The following SRGAP3 variants were observed in gnomAD, a reference collection of about 807,000 sequenced individuals.
SRGAP3 encodes SLIT-ROBO Rho GTPase-activating protein 3.
Under a neutral mutation model 121.1 loss-of-function variants are expected in SRGAP3, and 39 were observed. The ratio of observed to expected loss-of-function variants is 0.32; its 90% confidence interval spans 0.25 to 0.42. The LOEUF (loss-of-function observed/expected upper bound fraction) is 0.42, where lower values mean the gene tolerates loss of function less well. Ranked by LOEUF, SRGAP3 falls within the 10% of genes least tolerant of loss-of-function variation. The pLI is 1.00. For missense variants in SRGAP3, 1,213 were observed against 1,470.6 expected, an observed-to-expected ratio of 0.82 and a Z score of 2.86; for synonymous variants, 601 against 570.0, an observed-to-expected ratio of 1.05 and a Z score of -0.77.
chr3:9,096,909 G>T (rs1206148639), intron 3 of SRGAP3, among the ~76,000 whole-genome samples: 20 of 102,566 alleles, frequency 1.9e-4, no homozygotes, highest in Middle Eastern at 7.4e-3. Flanking sequence ...ATATATAATA[G>T]CTAATTATAT....
intron 1 of SRGAP3, among the ~76,000 whole-genome samples, chr3:9,211,019 T>A (rs941708468): frequency 6.6e-6 from 1 of 152,196 alleles, no homozygotes; most frequent in South Asian, 2.1e-4. Context: ...CAATGTTCTC[T>A]CCAGAAGATA....
At chr3:9,100,572 A>G (rs1283728410) in intron 3 of SRGAP3, among the ~76,000 whole-genome samples, 5 of 152,174 alleles carry the variant, frequency 3.3e-5, no homozygotes, top group African/African-American at 1.2e-4. Flanking sequence ...ATCCCATTTG[A>G]CCAGAATCTA....
chr3:9,206,486 T>G (rs1952270305), intron 1 of SRGAP3, among the ~76,000 whole-genome samples: 2 of 152,194 alleles, frequency 1.3e-5, no homozygotes, highest in South Asian at 4.1e-4. Flanking sequence ...TCCCCCTGAC[T>G]GTGCCACTGT....
chr3:9,177,343 T>C (rs1420156657), intron 1 of SRGAP3, among the ~76,000 whole-genome samples: 1 of 152,172 alleles, frequency 6.6e-6, no homozygotes, highest in East Asian at 1.9e-4. Flanking sequence ...TTTGACCATA[T>C]GTAAAGGAGG....
At chr3:9,279,054 G>A (rs546477722) in intron 3 of SRGAP3, among the ~76,000 whole-genome samples, 3 of 152,076 alleles carry the variant, frequency 2.0e-5, no homozygotes, top group South Asian at 4.2e-4. Context: ...CACAAGAATC[G>A]CTTGAGCCTG....
chr3:9,261,709 C>G (rs1342393835), intron 3 of SRGAP3, among the ~76,000 whole-genome samples: 1 of 151,216 alleles, frequency 6.6e-6, no homozygotes, highest in Non-Finnish European at 1.5e-5. Context: ...GTGAAAAGAC[C>G]AAACCTACGT....
chr3:9,197,337 G>A (rs1313760298), intron 1 of SRGAP3, among the ~76,000 whole-genome samples: 1 of 152,226 alleles, frequency 6.6e-6, no homozygotes, highest in Non-Finnish European at 1.5e-5. Flanking sequence ...AGCAAAGTTG[G>A]TTTAAAAGTC....
intron 20 of SRGAP3, among the ~76,000 whole-genome samples, chr3:8,992,096 T>TA (rs1447947903): frequency 3.3e-5 from 5 of 152,182 alleles, no homozygotes; most frequent in Non-Finnish European, 7.4e-5. Flanking sequence ...GGCATCAGGA[T>TA]TTTTGCTGAA....
intron 6 of SRGAP3, 179 bp from the exon 7 acceptor site, chr3:9,058,651 T>A (rs1296313101): frequency 1.6e-6 from 1 of 629,714 alleles, no homozygotes; most frequent in Non-Finnish European, 2.8e-6. Flanking sequence ...TCAAGGGGAG[T>A]TGCGGTTGAG....
At chr3:9,153,148 G>T (rs1379950084) in intron 1 of SRGAP3, among the ~76,000 whole-genome samples, 1 of 152,168 alleles carries the variant, frequency 6.6e-6, no homozygotes, top group African/African-American at 2.4e-5. Context: ...CCCAGTATGA[G>T]TGAGTCTTGA....
intron 1 of SRGAP3, among the ~76,000 whole-genome samples, chr3:9,139,025 A>T (rs1289927467): frequency 1.3e-5 from 2 of 152,152 alleles, no homozygotes; most frequent in Non-Finnish European, 2.9e-5. Flanking sequence ...GAAACTGAGG[A>T]ACAGAGACCC....
chr3:8,981,834 T>C lies in SRGAP3; in HGVS notation c.*3685A>G. 4.4e-6 allele frequency: 1 copy of C among 229,462 alleles called. No homozygotes were observed. The highest frequency in any genetic ancestry group is 8.7e-6 in the Non-Finnish European group (1 of 115,524). 14.2% of individuals were successfully genotyped at this position (229,462 alleles called of 1,614,324 possible). ...CTTTCATCCCTTGGGAATCCATCTC[T>C]CTCCTGACCCCTGGCCTGGTGACTT... On this transcript the variant is annotated 3_prime_UTR_variant, in exon 22 of 22. Transcript: ENST00000383836.
intron 3 of SRGAP3, among the ~76,000 whole-genome samples, chr3:9,285,666 T>C (rs753302207): frequency 6.6e-6 from 1 of 151,884 alleles, no homozygotes; most frequent in East Asian, 1.9e-4. Flanking sequence ...TGTGGTGGCA[T>C]GTGCCTGTAG....
At chr3:9,032,617 C>T (rs749409225) in intron 12 of SRGAP3, 33 bp downstream of exon 12, 1 of 1,590,348 alleles carries the variant, frequency 6.3e-7, no homozygotes, top group African/African-American at 1.3e-5. Context: ...ACATTGGGTG[C>T]ATTCGCGGAC....
chr3:9,240,223 G>T (rs566437559), intron 1 of SRGAP3, among the ~76,000 whole-genome samples: 10 of 152,228 alleles, frequency 6.6e-5, no homozygotes, highest in African/African-American at 2.2e-4. Context: ...CAAACTGAGG[G>T]AATAGAGTTA....
At chr3:9,152,337 G>A (rs999775914) in intron 1 of SRGAP3, among the ~76,000 whole-genome samples, 8 of 152,240 alleles carry the variant, frequency 5.3e-5, no homozygotes, top group African/African-American at 1.9e-4. Flanking sequence ...GATCCAAGGT[G>A]GAGATGGGAG....
intron 3 of SRGAP3, among the ~76,000 whole-genome samples, chr3:9,101,801 C>G: frequency 1.3e-5 from 2 of 152,300 alleles, no homozygotes; most frequent in East Asian, 3.9e-4. Context: ...TGATCACTAA[C>G]GATGGCCTCC....
chr3:9,074,862 A>G (rs1318606062), intron 4 of SRGAP3, among the ~76,000 whole-genome samples: 1 of 152,176 alleles, frequency 6.6e-6, no homozygotes, highest in Non-Finnish European at 1.5e-5. Context: ...GCTACTGGGT[A>G]TGAATGGACA....
intron 1 of SRGAP3, among the ~76,000 whole-genome samples, chr3:9,146,962 C>A (rs1950047528): frequency 6.6e-6 from 1 of 152,148 alleles, no homozygotes; most frequent in Non-Finnish European, 1.5e-5. Context: ...TGGACCCCCT[C>A]CACGCACACC....
Sources: allele counts gnomAD v4.1 joint callset (sites outside exome capture counted in the v4.1 genomes callset), GRCh38; gene constraint gnomAD v4.1.1; transcripts MANE v1.5; gene names NCBI Gene and HGNC (gene_info 2026-07-23, HGNC 2026-07-21).